The following ACACB variants were observed in gnomAD, a reference collection of about 807,000 sequenced individuals.
ACACB encodes the protein acetyl-CoA carboxylase 2.
A neutral mutation model predicts 278.8 loss-of-function variants in ACACB; 209 were observed. The observed-to-expected ratio is 0.75, with a 90% confidence interval of 0.67 to 0.84. ACACB has a LOEUF of 0.84. ACACB is among the 40% of genes least tolerant of loss of function. The pLI, the probability that ACACB is intolerant of heterozygous loss-of-function variation, is 0.00. For synonymous variants in ACACB, 1,174 were observed against 1,285.6 expected (o/e 0.91, Z 1.86); for missense variants, 2,850 against 3,269.0 (o/e 0.87, Z 3.13).
chr12:109,245,149 A>G (rs541042579), intron 37 of ACACB, among the ~76,000 whole-genome samples: 27 of 151,962 alleles, frequency 1.8e-4, no homozygotes, highest in South Asian at 1.7e-3. Flanking sequence ...GCGCCATTGC[A>G]CTCCAGCCTG....
At chr12:109,210,918 T>C (rs1309982369) in intron 21 of ACACB, among the ~76,000 whole-genome samples, 2 of 151,038 alleles carry the variant, frequency 1.3e-5, no homozygotes, top group African/African-American at 4.9e-5. Flanking sequence ...AGATGTCTTA[T>C]CATAATCATA....
chr12:109,171,602 G>A (rs1372089975), intron 4 of ACACB, among the ~76,000 whole-genome samples: 1 of 150,468 alleles, frequency 6.6e-6, no homozygotes, highest in Non-Finnish European at 1.5e-5. Context: ...TGCCTGCCTC[G>A]GCCTCCCAAA....
At chr12:109,235,286 C>T (rs747698164) in intron 31 of ACACB, 27 bp from the exon 32 acceptor site, 2 of 1,602,276 alleles carry the variant, frequency 1.2e-6, no homozygotes, top group Non-Finnish European at 1.7e-6. Flanking sequence ...AAATAATATT[C>T]CATTGTGTCT....
Position 109,179,303 on chromosome 12 carries a change from C to T in ACACB, c.1647+6C>T. On this transcript the variant is annotated splice_donor_region_variant and intron_variant, in intron 10 of 52. Coordinates refer to ENST00000338432, the MANE Select transcript of ACACB (RefSeq NM_001093.4). Reference sequence around the variant, plus strand: ...TATTCGAGTTCATGGAGCAGGTACACTTCTCAGAGCCCAGGGGGCAGCTTC... The same window carrying T: ...TATTCGAGTTCATGGAGCAGGTACATTTCTCAGAGCCCAGGGGGCAGCTTC... The T allele has an allele frequency of 6.2e-7, 1 of 1,611,814 alleles. No homozygotes were observed. Among genetic ancestry groups the T allele is most frequent in the Non-Finnish European group, 8.5e-7 (1 of 1,179,380 alleles).
At chr12:109,260,372 G>A in intron 47 of ACACB, 108 bp from the exon 48 acceptor site, 1 of 1,394,640 alleles carries the variant, frequency 7.2e-7, no homozygotes, top group Non-Finnish European at 1.0e-6. Context: ...TGCTCTCCAA[G>A]CCTCTCAGCT....
chr12:109,235,515 T>C lies in ACACB; in HGVS notation c.4405-91T>C, dbSNP rs2046608194. ...CCAAATGATTCATTCTAGAAGTGAA[T>C]GTAATCGTTTACAATCACTAAATAA... is the stretch of plus-strand genomic sequence containing the variant. On this transcript the variant is annotated intron_variant, in intron 32 of 52. Transcript: ENST00000338432. The C allele has an allele frequency of 6.3e-6, 9 of 1,427,708 alleles. No homozygotes were observed. In the East Asian group the frequency reaches 9.1e-5, roughly 14 times the overall value. 88.4% of individuals were successfully genotyped at this position (1,427,708 alleles called of 1,614,324 possible). A position where few individuals can be genotyped will look rare whatever the true frequency, so the allele number is the denominator to read the frequency against.
chr12:109,212,451 T>C (rs530089412), intron 21 of ACACB, among the ~76,000 whole-genome samples: 1 of 152,246 alleles, frequency 6.6e-6, no homozygotes, highest in South Asian at 2.1e-4. Flanking sequence ...CCCAGGCTTG[T>C]TTTCCTGCAC....
chr12:109,180,092 GA>G lies in ACACB; in HGVS notation c.1818+9del. 6.2e-7 allele frequency: 1 copy of G among 1,609,196 alleles called. No individual in the cohort carries two copies. On this transcript the variant is annotated splice_donor_region_variant and intron_variant, in intron 11 of 52. Coordinates refer to ENST00000338432, the MANE Select transcript of ACACB (RefSeq NM_001093.4). ...CTGCCGGCCGCCCAGCTACAGGTGA[GA>G]AAATGGGCTTGGGGCCCTGGGACTT...
chr12:109,210,043 G>GTA, intron 21 of ACACB, among the ~76,000 whole-genome samples: 1 of 83,828 alleles, frequency 1.2e-5, no homozygotes, highest in African/African-American at 4.2e-5. Context: ...GTGTATATGT[G>GTA]TATATATACA....
intron 9 of ACACB, among the ~76,000 whole-genome samples, chr12:109,178,417 G>C (rs889824683): frequency 3.9e-5 from 6 of 152,170 alleles, no homozygotes; most frequent in African/African-American, 1.2e-4. Context: ...CCACAGATTA[G>C]TGTGTTTTGG....
intron 28 of ACACB, 78 bp downstream of exon 28, chr12:109,227,567 C>T: frequency 7.1e-7 from 1 of 1,407,592 alleles, no homozygotes; most frequent in Non-Finnish European, 1.0e-6. Context: ...CTGGAAGGAC[C>T]TGGCAAGTGT....
intron 7 of ACACB, among the ~76,000 whole-genome samples, chr12:109,174,549 A>G (rs374368586): frequency 0.037 from 2,864 of 76,438 alleles, 89 homozygotes; most frequent in African/African-American, 0.15. Flanking sequence ...ATTCTTTGGG[A>G]AAAAAAAAAA....
At chr12:109,152,599 C>CG (rs1230868509) in intron 2 of ACACB, among the ~76,000 whole-genome samples, 2 of 149,596 alleles carry the variant, frequency 1.3e-5, no homozygotes, top group Non-Finnish European at 3.0e-5. Flanking sequence ...TTGGCACCCC[C>CG]GGGAAGTGTG....
chr12:109,201,465 G>T, intron 18 of ACACB, 102 bp from the exon 19 acceptor site: 2 of 1,418,632 alleles, frequency 1.4e-6, no homozygotes, highest in Non-Finnish European at 9.7e-7. Context: ...CGCGTCCCTG[G>T]GTAGTGTCCC....
At chr12:109,123,502 G>A (rs890863877) in intron 1 of ACACB, among the ~76,000 whole-genome samples, 17 of 151,840 alleles carry the variant, frequency 1.1e-4, no homozygotes, top group African/African-American at 4.1e-4. Flanking sequence ...GACCAGCCTG[G>A]CCAACATGGA....
chr12:109,245,711 A>G lies in ACACB; in HGVS notation c.5264A>G (p.Gln1755Arg), dbSNP rs145398869. 52 of 1,614,074 alleles carry G rather than the reference A, an allele frequency of 3.2e-5. No homozygotes were observed. In the African/African-American group the frequency reaches 6.3e-4, roughly 19 times the overall value. ...YTELVLDSQG[Q>R]LVEMNRLPGG... ...GAATTAGTGTTGGACTCTCAGGGCC[A>G]GCTGGTGGAGATGAACCGACTTCCT... Residue 1755 changes from glutamine (Q) to arginine (R), a missense_variant, in exon 38 of 53, where the codon CAG (glutamine) becomes CGG (arginine). By Grantham distance (43) the Gln-to-Arg change is conservative (BLOSUM62 1). Around this residue, in one of 3 missense-constraint regions of ACACB, gnomAD observed 2,265 missense variants for 2,561.3 expected, o/e 0.88. Transcript: ENST00000338432.
intron 1 of ACACB, among the ~76,000 whole-genome samples, chr12:109,120,321 C>T (rs758746486): frequency 2.6e-5 from 4 of 152,180 alleles, no homozygotes; most frequent in Non-Finnish European, 5.9e-5. Flanking sequence ...GTGGGACTCT[C>T]CAAGATGTGA....
At chr12:109,259,174 G>C in intron 47 of ACACB, 66 bp downstream of exon 47, 2 of 1,569,794 alleles carry the variant, frequency 1.3e-6, no homozygotes, top group Non-Finnish European at 1.7e-6. Flanking sequence ...GCACCCTCTG[G>C]GTGGTGATGC....
At chr12:109,216,958 G>T (rs762762807) in intron 24 of ACACB, 38 bp downstream of exon 24, 2 of 1,601,926 alleles carry the variant, frequency 1.2e-6, no homozygotes, top group Non-Finnish European at 8.5e-7. Context: ...ACTGGGGGTG[G>T]GTCAGGAGTC....
Sources: allele counts gnomAD v4.1 joint callset (sites outside exome capture counted in the v4.1 genomes callset), GRCh38; gene constraint gnomAD v4.1.1; regional missense constraint gnomAD v4.1.1; transcripts MANE v1.5; gene names NCBI Gene and HGNC (gene_info 2026-07-23, HGNC 2026-07-21).